ARID2: variants seen among roughly 807,000 people sequenced by gnomAD.
ARID2 encodes the protein AT-rich interactive domain-containing protein 2.
Under a neutral mutation model 184.6 loss-of-function variants are expected in ARID2, and 32 were observed. The ratio of observed to expected loss-of-function variants is 0.17; its 90% CI spans 0.13 to 0.23. The LOEUF is 0.23. ARID2 is among the 10% of genes least tolerant of loss of function. The pLI is 1.00. For synonymous variants in ARID2, 836 were observed against 772.6 expected (o/e 1.08, Z -1.36); for missense variants, 1,696 against 2,197.6 (o/e 0.77, Z 4.56).
At chr12:45,893,589 A>G (rs892935071) in intron 19 of ARID2, 41 bp from the exon 20 acceptor site, 1 of 1,607,254 alleles carries the variant, frequency 6.2e-7, no homozygotes, top group Non-Finnish European at 8.5e-7. Context: ...TGAGTCCTGT[A>G]TGATTTAGAT....
At chr12:45,842,535 G>C (rs1943369544) in intron 11 of ARID2, among the ~76,000 whole-genome samples, 3 of 151,942 alleles carry the variant, frequency 2.0e-5, no homozygotes, top group Admixed American at 2.0e-4. Flanking sequence ...AAGGCGGGCA[G>C]ATCTTGAGGT....
chr12:45,897,453 C>A (rs1283332033), intron 20 of ARID2, among the ~76,000 whole-genome samples: 1 of 152,052 alleles, frequency 6.6e-6, no homozygotes, highest in Non-Finnish European at 1.5e-5. Context: ...AAAAAGGCAA[C>A]CCATAGAATT....
At position 45,904,916 on chromosome 12, in the gene ARID2, CTA is replaced by C. The variant is rs1185369994; in HGVS notation, c.5364-14_5364-13del. On this transcript the variant is annotated splice_polypyrimidine_tract_variant and intron_variant, in intron 20 of 20. Coordinates refer to ENST00000334344, the MANE Select transcript of ARID2 (RefSeq NM_152641.4). ...TGTGACCTTGGAGACTGACAATCTT[CTA>C]TATGTTTTTTTGCAGATTGTTAAAG... 6.2e-7 allele frequency: 1 copy of C among 1,611,146 alleles called. No individual in the cohort carries two copies. The highest frequency in any genetic ancestry group is 1.3e-5 in the African/African-American group (1 of 74,858).
At position 45,860,665 on chromosome 12, in the gene ARID2, C is replaced by T. The variant is rs147623409; in HGVS notation, c.4774-136C>T. On this transcript the variant is annotated intron_variant, in intron 15 of 20. Coordinates refer to ENST00000334344, the MANE Select transcript of ARID2 (RefSeq NM_152641.4). ...AATTTTTAAAGATTTTAAAGGTAAT[C>T]ATAAGCTTAAAATTATAAAATGTAA... 6.4e-4 allele frequency: 479 copies of T among 743,328 alleles called. 4 individuals carry two copies. The East Asian group carries it at 9.9e-3, about 15-fold the overall frequency. The allele number at this position is 743,328 out of a possible 1,614,324, so 46.0% of individuals were successfully genotyped here.
At chr12:45,880,145 G>C (rs1944075889) in intron 16 of ARID2, among the ~76,000 whole-genome samples, 1 of 152,100 alleles carries the variant, frequency 6.6e-6, no homozygotes, top group Non-Finnish European at 1.5e-5. Context: ...CACTTTTCTG[G>C]AATCTATTGC....
At chr12:45,746,991 G>A (rs1222239591) in intron 3 of ARID2, among the ~76,000 whole-genome samples, 1 of 151,932 alleles carries the variant, frequency 6.6e-6, no homozygotes, top group African/African-American at 2.4e-5. Context: ...GGATGTTCTC[G>A]AACTCCTGAC....
At chr12:45,777,732 G>A (rs926538473) in intron 3 of ARID2, among the ~76,000 whole-genome samples, 13 of 150,432 alleles carry the variant, frequency 8.6e-5, no homozygotes, top group East Asian at 5.8e-4. Flanking sequence ...CTTTCTTAGC[G>A]TTGTCGTAGA....
chr12:45,809,669 A>T (rs770159517), intron 3 of ARID2, among the ~76,000 whole-genome samples: 6 of 152,210 alleles, frequency 3.9e-5, no homozygotes, highest in Non-Finnish European at 8.8e-5. Flanking sequence ...ACCATAAAGA[A>T]AAATATTGGA....
At chr12:45,883,710 G>T (rs772142475) in intron 16 of ARID2, among the ~76,000 whole-genome samples, 1 of 151,420 alleles carries the variant, frequency 6.6e-6, no homozygotes, top group Non-Finnish European at 1.5e-5. Context: ...GACATACCAG[G>T]TTTCAAATCC....
intron 3 of ARID2, among the ~76,000 whole-genome samples, chr12:45,791,778 C>G (rs1434128802): frequency 1.3e-5 from 2 of 152,122 alleles, no homozygotes; most frequent in Non-Finnish European, 2.9e-5. Flanking sequence ...TAATTTATTT[C>G]TCAACTATCT....
chr12:45,812,467 ATCT>A (rs1942728035), intron 4 of ARID2, among the ~76,000 whole-genome samples: 1 of 152,136 alleles, frequency 6.6e-6, no homozygotes, highest in Admixed American at 6.5e-5. Context: ...AAGAAATAGA[ATCT>A]TCTTTTAGAA....
intron 2 of ARID2, among the ~76,000 whole-genome samples, chr12:45,730,411 A>G (rs1940961237): frequency 7.1e-6 from 1 of 141,008 alleles, no homozygotes; most frequent in Admixed American, 7.0e-5. Flanking sequence ...GCGGGGTCTG[A>G]GCGCCGCGGC....
intron 3 of ARID2, among the ~76,000 whole-genome samples, chr12:45,795,128 T>C (rs1407644265): frequency 3.9e-5 from 6 of 152,126 alleles, no homozygotes; most frequent in Non-Finnish European, 2.9e-5. Context: ...TGTTTTATAA[T>C]AATTTTAGAA....
chr12:45,851,475 C>T lies in ARID2; in HGVS notation c.3352C>T (p.Gln1118Ter), dbSNP rs757890582. ...GFGVQGQTPAQQLLVGQQNVQ... is the reference protein window; with the variant it reads ...GFGVQGQTPA ...TGGAGTGCAGGGGCAAACTCCAGCT[C>T]AGCAGCTATTGGTTGGGCAGCAAAA... The change falls in exon 15 of 21, where the codon CAG becomes TAG. Residue 1118 changes from glutamine (Q) to a stop codon, truncating the protein, a stop_gained. Coordinates refer to ENST00000334344, the MANE Select transcript of ARID2 (RefSeq NM_152641.4). LOFTEE classifies it high-confidence loss of function. 6.2e-7 allele frequency: 1 copy of T among 1,614,112 alleles called. No homozygotes were observed. The highest frequency in any genetic ancestry group is 8.5e-7 in the Non-Finnish European group (1 of 1,179,994).
chr12:45,822,275 G>GA (rs1432824258), intron 6 of ARID2, among the ~76,000 whole-genome samples: 1 of 152,088 alleles, frequency 6.6e-6, no homozygotes, highest in African/African-American at 2.4e-5. Context: ...GCTGAGGTGG[G>GA]AAAATCGCTT....
At chr12:45,888,124 G>A (rs1398039699) in intron 16 of ARID2, among the ~76,000 whole-genome samples, 2 of 151,940 alleles carry the variant, frequency 1.3e-5, no homozygotes, top group Non-Finnish European at 1.5e-5. Context: ...GAACCTGGGA[G>A]GCGGAGCTTG....
Position 45,778,204 on chromosome 12 carries a change from C to CA in ARID2, c.285-33204dup, listed in dbSNP as rs564228705. Among the ~76,000 whole-genome samples the CA allele has an allele frequency of 3.5e-3, 501 of 144,888 alleles. 2 individuals carry two copies. Among genetic ancestry groups the CA allele is most frequent in the African/African-American group, 0.01 (399 of 39,580 alleles). The stretch of plus-strand genomic sequence containing the variant: ...CTGGGGGACAAGAGCGAGACTTCTC[C>CA]AAAAAAAAAAGAATGCTTAAAAGCC... On this transcript the variant is annotated intron_variant, in intron 3 of 20. Coordinates refer to ENST00000334344, the MANE Select transcript of ARID2 (RefSeq NM_152641.4).
intron 4 of ARID2, among the ~76,000 whole-genome samples, chr12:45,817,314 A>G (rs1592095097): frequency 6.6e-6 from 1 of 152,244 alleles, no homozygotes; most frequent in East Asian, 1.9e-4. Context: ...TGAAAGCGAC[A>G]TTGCACTCCA....
At chr12:45,770,087 TACTAAAAATAC>T (rs1941840352) in intron 3 of ARID2, among the ~76,000 whole-genome samples, 1 of 151,960 alleles carries the variant, frequency 6.6e-6, no homozygotes, top group Admixed American at 6.6e-5. Context: ...ACCCCATCTC[TACTAAAAATAC>T]AAAAAGTAGC....
Sources: allele counts gnomAD v4.1 joint callset (sites outside exome capture counted in the v4.1 genomes callset), GRCh38; gene constraint gnomAD v4.1.1; transcripts MANE v1.5; gene names NCBI Gene and HGNC (gene_info 2026-07-23, HGNC 2026-07-21).